The following LNX2 variants were observed in gnomAD, a reference collection of about 807,000 sequenced individuals.
LNX2 encodes ligand of numb-protein X 2, also known as ligand of Numb protein X 2.
In LNX2, 35 loss-of-function variants were observed where a neutral mutation model predicts 66.2. That is an observed-to-expected ratio of 0.53 (90% CI 0.40 to 0.70). The LOEUF (loss-of-function observed/expected upper bound fraction) is 0.70, where lower values mean the gene tolerates loss of function less well. Among genes scored for constraint, LNX2 ranks in the 30% least tolerant of loss-of-function variants. The probability of loss-of-function intolerance (pLI) is 0.00; values close to 1 mark genes in which losing one functional copy is unlikely to be tolerated. For synonymous variants in LNX2, 337 were observed against 315.6 expected, an observed-to-expected ratio of 1.07 and a Z score of -0.72; for missense variants, 791 against 850.8, an observed-to-expected ratio of 0.93 and a Z score of 0.87.
intron 2 of LNX2, 51 bp from the exon 3 acceptor site, chr13:27,569,327 C>A: frequency 6.4e-7 from 1 of 1,574,342 alleles, no homozygotes; most frequent in South Asian, 1.2e-5. Flanking sequence ...AACAAACAAA[C>A]AAATAAAATA....
At chr13:27,555,250 G>C (rs1955044023) in intron 7 of LNX2, among the ~76,000 whole-genome samples, 1 of 152,156 alleles carries the variant, frequency 6.6e-6, no homozygotes, top group Admixed American at 6.5e-5. Context: ...CACCCAGCCT[G>C]AGCATCTTTT....
At chr13:27,573,155 C>G (rs1249518005) in intron 2 of LNX2, among the ~76,000 whole-genome samples, 1 of 152,060 alleles carries the variant, frequency 6.6e-6, no homozygotes, top group Non-Finnish European at 1.5e-5. Context: ...TATTTCCATC[C>G]TCACCTCCCC....
At chr13:27,603,674 C>G (rs1177268955) in intron 1 of LNX2, among the ~76,000 whole-genome samples, 3 of 152,126 alleles carry the variant, frequency 2.0e-5, no homozygotes, top group Non-Finnish European at 4.4e-5. Context: ...TTTATGCAGT[C>G]TCTTACCTGT....
intron 1 of LNX2, among the ~76,000 whole-genome samples, chr13:27,611,635 A>G (rs923075215): frequency 1.3e-5 from 2 of 152,240 alleles, no homozygotes; most frequent in African/African-American, 4.8e-5. Context: ...TCTGTTAAAT[A>G]TTCATAATTT....
chr13:27,606,475 TA>T (rs1273466746), intron 1 of LNX2, among the ~76,000 whole-genome samples: 1 of 151,588 alleles, frequency 6.6e-6, no homozygotes, highest in Non-Finnish European at 1.5e-5. Flanking sequence ...CTGTTTTCCT[TA>T]AGGTTACATT....
At chr13:27,583,261 C>CGCACGTGGGCGT (rs11281345) in intron 1 of LNX2, among the ~76,000 whole-genome samples, 1 of 45,480 alleles carries the variant, frequency 2.2e-5, no homozygotes, top group Non-Finnish European at 4.5e-5. Flanking sequence ...TGTGTGCGCG[C>CGCACGTGGGCGT]GTCCTCTCCA....
chr13:27,553,904 G>C (rs1024475523), intron 7 of LNX2, among the ~76,000 whole-genome samples: 9 of 152,136 alleles, frequency 5.9e-5, no homozygotes, highest in African/African-American at 2.2e-4. Flanking sequence ...TTTATTCAGG[G>C]CAAACATCAG....
In LNX2 at chr13:27,581,414, T is replaced by C; in HGVS notation, c.290A>G (p.Lys97Arg). 6.2e-7 allele frequency: 1 copy of C among 1,608,326 alleles called. No individual in the cohort carries two copies. The highest frequency in any genetic ancestry group is 8.5e-7 in the Non-Finnish European group (1 of 1,175,800). Residue 97 changes from lysine to arginine, a missense_variant, in exon 2 of 10, where the codon AAG (lysine) becomes AGG (arginine). Lys to Arg is a conservative substitution (Grantham distance 26, BLOSUM62 2). Coordinates refer to ENST00000316334, the MANE Select transcript of LNX2 (RefSeq NM_153371.4). Reference sequence around the variant, plus strand: ...TTTATGAACTAGAATACTAGACTTCTTGCACAACTTAAAATGAAGTCTTTT... The same window carrying C: ...TTTATGAACTAGAATACTAGACTTCCTGCACAACTTAAAATGAAGTCTTTT... Reference protein sequence around the residue: ...DRKRLHFKLCKKSSILVHKLL... With the variant: ...DRKRLHFKLCRKSSILVHKLL...
intron 1 of LNX2, among the ~76,000 whole-genome samples, chr13:27,611,238 A>G (rs1026286209): frequency 6.6e-6 from 1 of 152,262 alleles, no homozygotes; most frequent in African/African-American, 2.4e-5. Context: ...AAAATGTGGT[A>G]TATGTATACA....
intron 8 of LNX2, 75 bp from the exon 9 acceptor site, chr13:27,550,566 A>G: frequency 9.6e-7 from 1 of 1,047,102 alleles, no homozygotes; most frequent in Non-Finnish European, 1.4e-6. Context: ...TTATAACCCC[A>G]TACCATGTTA....
intron 4 of LNX2, among the ~76,000 whole-genome samples, chr13:27,564,477 A>G (rs1262482064): frequency 6.6e-6 from 1 of 152,164 alleles, no homozygotes; most frequent in Non-Finnish European, 1.5e-5. Flanking sequence ...TCTAAGTTAT[A>G]TTACTTTTAT....
intron 1 of LNX2, among the ~76,000 whole-genome samples, chr13:27,592,248 G>C (rs944550193): frequency 6.6e-6 from 1 of 152,202 alleles, no homozygotes; most frequent in Non-Finnish European, 1.5e-5. Flanking sequence ...GATTGAACAT[G>C]ATGAACATAG....
chr13:27,552,935 T>C (rs1381464864), intron 8 of LNX2, among the ~76,000 whole-genome samples: 1 of 152,162 alleles, frequency 6.6e-6, no homozygotes, highest in Non-Finnish European at 1.5e-5. Flanking sequence ...AACGACAACT[T>C]TTCTAAGCAA....
intron 1 of LNX2, among the ~76,000 whole-genome samples, chr13:27,613,713 A>G (rs1955797785): frequency 6.6e-6 from 1 of 152,320 alleles, no homozygotes; most frequent in African/African-American, 2.4e-5. Flanking sequence ...GGTTGCCATG[A>G]GCCGAGACTG....
At chr13:27,581,915 T>C (rs755805208) in intron 1 of LNX2, 112 bp from the exon 2 acceptor site, 5 of 398,950 alleles carry the variant, frequency 1.3e-5, no homozygotes, top group African/African-American at 2.1e-5. Flanking sequence ...AATTAAAGGT[T>C]GAATCAGGTA....
At position 27,583,249 on chromosome 13, in the gene LNX2, T is replaced by TGCGC. The variant is rs1566124848; in HGVS notation, c.-100-1447_-100-1446insGCGC. Among the ~76,000 whole-genome samples, 10 of 46,764 alleles carry TGCGC rather than the reference T, an allele frequency of 2.1e-4. 1 individual carries two copies. The highest frequency in any genetic ancestry group is 1.7e-3 in the South Asian group (2 of 1,206). The allele number at this position is 46,764 out of a possible 152,430, so 30.7% of individuals were successfully genotyped here. ...GTGTGTGTGTGTGTGTGTGTGTGTG[T>TGCGC]GTGTGTGCGCGCGTCCTCTCCAACA... On this transcript the variant is annotated intron_variant, in intron 1 of 9. Coordinates refer to ENST00000316334, the MANE Select transcript of LNX2 (RefSeq NM_153371.4).
intron 4 of LNX2, among the ~76,000 whole-genome samples, chr13:27,563,567 C>T (rs551155148): frequency 6.0e-4 from 91 of 152,168 alleles, no homozygotes; most frequent in African/African-American, 2.1e-3. Flanking sequence ...GAAAATACAC[C>T]TAACTTCAAT....
intron 5 of LNX2, among the ~76,000 whole-genome samples, chr13:27,560,565 G>GTGTATATATATATATA (rs35007288): frequency 0.015 from 1,844 of 119,946 alleles, 76 homozygotes; most frequent in African/African-American, 0.057. Context: ...ATGTATGTGT[G>GTGTATATATATATATA]TATATATATA....
At chr13:27,596,171 C>T (rs763790799) in intron 1 of LNX2, among the ~76,000 whole-genome samples, 17 of 151,784 alleles carry the variant, frequency 1.1e-4, no homozygotes, top group African/African-American at 3.4e-4. Flanking sequence ...TTTGAAAAAA[C>T]GCACAGATGA....
Sources: allele counts gnomAD v4.1 joint callset (sites outside exome capture counted in the v4.1 genomes callset), GRCh38; gene constraint gnomAD v4.1.1; transcripts MANE v1.5; gene names NCBI Gene and HGNC (gene_info 2026-07-23, HGNC 2026-07-21).